Variants in TYW1B observed in about 807,000 individuals in gnomAD.
The protein encoded by TYW1B is tRNA-yW synthesizing protein 1 homolog B.
A neutral mutation model predicts 86.9 loss-of-function variants in TYW1B; 73 were observed. The ratio of observed to expected loss-of-function variants is 0.84; its 90% confidence interval spans 0.70 to 1.02. The LOEUF (loss-of-function observed/expected upper bound fraction) is 1.02. Among genes scored for constraint, TYW1B ranks in the 50% least tolerant of loss-of-function variants. The probability of loss-of-function intolerance (pLI) is 0.00; values close to 1 mark genes in which losing one functional copy is unlikely to be tolerated. For synonymous variants in TYW1B, 248 were observed against 292.8 expected, an observed-to-expected ratio of 0.85 and a Z score of 1.56; for missense variants, 637 against 827.4, an observed-to-expected ratio of 0.77 and a Z score of 2.82.
Position 72,728,821 on chromosome 7 carries a change from C to A in TYW1B, c.1192+1G>T, listed in dbSNP as rs368590141. The A allele has an allele frequency of 2.5e-4, 398 of 1,612,118 alleles. No homozygotes were observed. The highest frequency in any genetic ancestry group is 1.3e-3 in the Middle Eastern group (8 of 6,078). ...TTCCTCTGTAGAGGGAAGATAAATACCTTTAAACTGCTTAATCATGTTCTG... is the reference window on the plus strand; with the variant it reads ...TTCCTCTGTAGAGGGAAGATAAATAACTTTAAACTGCTTAATCATGTTCTG... On this transcript the variant is annotated splice_donor_variant, in intron 9 of 13. Transcript: ENST00000620995. LOFTEE classifies it high-confidence loss of function.
chr7:72,726,173 A>G (rs1260410623), intron 9 of TYW1B, among the ~76,000 whole-genome samples: 4 of 152,126 alleles, frequency 2.6e-5, no homozygotes, highest in Non-Finnish European at 5.9e-5. Flanking sequence ...TAAGAATGTA[A>G]TTTGTACCCC....
intron 7 of TYW1B, among the ~76,000 whole-genome samples, chr7:72,755,558 C>T (rs1219717048): frequency 6.6e-6 from 1 of 152,032 alleles, no homozygotes; most frequent in Non-Finnish European, 1.5e-5. Flanking sequence ...TGCCTATAAT[C>T]GCAGCTACTC....
At chr7:72,729,226 T>G (rs1395480063) in intron 8 of TYW1B, among the ~76,000 whole-genome samples, 1 of 152,202 alleles carries the variant, frequency 6.6e-6, no homozygotes, top group Non-Finnish European at 1.5e-5. Flanking sequence ...TAACTATGAA[T>G]GTACACAAAC....
At chr7:72,624,292 C>T (rs1812289672) in intron 12 of TYW1B, among the ~76,000 whole-genome samples, 2 of 152,192 alleles carry the variant, frequency 1.3e-5, no homozygotes, top group Non-Finnish European at 2.9e-5. Flanking sequence ...ATAATCCACA[C>T]ACTACATAAT....
At chr7:72,706,248 G>T (rs1450840498) in intron 10 of TYW1B, among the ~76,000 whole-genome samples, 5 of 151,980 alleles carry the variant, frequency 3.3e-5, no homozygotes, top group Non-Finnish European at 7.4e-5. Flanking sequence ...GACCAACATG[G>T]AGAAACCCGT....
rs531971677 is a variant in TYW1B at position 72,677,324 on chromosome 7, T to C, written c.1506+17363A>G. 5.9e-5 allele frequency among the ~76,000 whole-genome samples: 9 copies of C among 152,110 alleles called. No homozygotes were observed. The East Asian group carries it at 1.7e-3, about 29-fold the overall frequency. On this transcript the variant is annotated intron_variant, in intron 11 of 13. Coordinates refer to ENST00000620995, the MANE Select transcript of TYW1B (RefSeq NM_001145440.3). Reference sequence around the variant, plus strand: ...TAGCACACCTGGTTGATTTTTTTTTTTTTGGTAGAGAAAGGGTCTTGCTAT... The same window carrying C: ...TAGCACACCTGGTTGATTTTTTTTTCTTTGGTAGAGAAAGGGTCTTGCTAT...
intron 11 of TYW1B, among the ~76,000 whole-genome samples, chr7:72,632,072 G>C (rs1454984246): frequency 1.3e-5 from 2 of 151,250 alleles, no homozygotes; most frequent in African/African-American, 4.9e-5. Flanking sequence ...CAAGATGGGA[G>C]GATTACTTGA....
At chr7:72,614,108 C>G (rs1812007129) in intron 13 of TYW1B, among the ~76,000 whole-genome samples, 2 of 152,036 alleles carry the variant, frequency 1.3e-5, no homozygotes, top group South Asian at 4.2e-4. Context: ...AAAATGGTAA[C>G]AGGTGATTTT....
intron 9 of TYW1B, among the ~76,000 whole-genome samples, chr7:72,726,880 G>A (rs190264272): frequency 2.8e-4 from 43 of 152,220 alleles, no homozygotes; most frequent in African/African-American, 9.6e-4. Flanking sequence ...CTATCACAGC[G>A]GAAGGCAAAG....
chr7:72,742,723 A>G (rs1348371750), intron 8 of TYW1B, among the ~76,000 whole-genome samples: 16 of 152,192 alleles, frequency 1.1e-4, no homozygotes, highest in Middle Eastern at 3.4e-3. Context: ...TGTAATCCCC[A>G]ATAATCATAA....
Position 72,575,621 on chromosome 7 carries a change from G to A in TYW1B, c.1884C>T (p.Ser628=), listed in dbSNP as rs782645076. ...GAGTTCTGGCCATATAATCCTTTGC[G>A]CTGAACGTTTTTGATCCACCACTAT... The part of the protein sequence containing the change: ...YEDSGGSKTF[S]AKDYMARTPH... Residue 628 remains serine (S), a synonymous_variant, in exon 14 of 14, where the codon AGC becomes AGT. Transcript: ENST00000620995. The A allele has an allele frequency of 1.2e-4, 199 of 1,613,566 alleles. No individual in the cohort carries two copies. The highest frequency in any genetic ancestry group is 1.6e-4 in the Non-Finnish European group (184 of 1,179,844).
intron 7 of TYW1B, among the ~76,000 whole-genome samples, chr7:72,766,515 T>G (rs11983592): frequency 0.69 from 103,544 of 149,180 alleles, 36,471 homozygotes; most frequent in Non-Finnish European, 0.77. Flanking sequence ...TCCGGAGGCT[T>G]AGGCAGGAGA....
chr7:72,694,193 C>T (rs1236867257), intron 11 of TYW1B, among the ~76,000 whole-genome samples: 2 of 152,106 alleles, frequency 1.3e-5, no homozygotes, highest in Admixed American at 6.6e-5. Context: ...GAACTCCTGA[C>T]CTCAAGTGAT....
chr7:72,690,374 T>C (rs1195242517), intron 11 of TYW1B, among the ~76,000 whole-genome samples: 2 of 152,250 alleles, frequency 1.3e-5, no homozygotes, highest in Admixed American at 6.5e-5. Context: ...TTTACTCTGG[T>C]ATCTTGATGG....
chr7:72,778,967 A>G (rs1296504301), intron 6 of TYW1B, among the ~76,000 whole-genome samples: 2 of 151,998 alleles, frequency 1.3e-5, no homozygotes, highest in Non-Finnish European at 2.9e-5. Flanking sequence ...ATTTTTAAGG[A>G]TATCTCCCTA....
intron 11 of TYW1B, among the ~76,000 whole-genome samples, chr7:72,644,139 A>C (rs1812868957): frequency 6.6e-6 from 1 of 152,254 alleles, no homozygotes; most frequent in Admixed American, 6.5e-5. Flanking sequence ...GAAATCATAT[A>C]ATCTCAATAG....
intron 12 of TYW1B, among the ~76,000 whole-genome samples, chr7:72,621,624 C>T (rs1349294898): frequency 6.6e-6 from 1 of 152,190 alleles, no homozygotes. Context: ...TATCTGTTAC[C>T]AGGTAACTGG....
At chr7:72,728,067 A>C (rs1262610526) in intron 9 of TYW1B, among the ~76,000 whole-genome samples, 1 of 152,130 alleles carries the variant, frequency 6.6e-6, no homozygotes, top group East Asian at 1.9e-4. Flanking sequence ...AGATGGAAGA[A>C]ACTGTTATTT....
In TYW1B at chr7:72,677,869, T is replaced by C. The variant is rs1986148; in HGVS notation, c.1506+16818A>G. Among the ~76,000 whole-genome samples the C allele has an allele frequency of 5.0e-3, 759 of 152,134 alleles. 10 individuals carry two copies. Among genetic ancestry groups the C allele is most frequent in the African/African-American group, 0.016 (666 of 41,514 alleles). On this transcript the variant is annotated intron_variant, in intron 11 of 13. Coordinates refer to ENST00000620995, the MANE Select transcript of TYW1B (RefSeq NM_001145440.3). ...GGTGCCTGCCACCATGCCCGGCTAA[T>C]TTTTGTATTTTTAGTACTGACAGGG...
Sources: allele counts gnomAD v4.1 joint callset (sites outside exome capture counted in the v4.1 genomes callset), GRCh38; gene constraint gnomAD v4.1.1; transcripts MANE v1.5; gene names NCBI Gene and HGNC (gene_info 2026-07-23, HGNC 2026-07-21).